KIAA0825: variants seen among roughly 807,000 people sequenced by gnomAD.
The protein encoded by KIAA0825 is KIAA0825, also known as uncharacterized protein KIAA0825.
In KIAA0825, 119 loss-of-function variants were observed where a neutral mutation model predicts 147.6. The observed-to-expected ratio is 0.81, with a 90% CI of 0.69 to 0.94. The LOEUF (loss-of-function observed/expected upper bound fraction) is 0.94. KIAA0825 is among the 40% of genes least tolerant of loss of function. KIAA0825 has a pLI of 0.00. For missense variants in KIAA0825, 1,381 were observed against 1,472.7 expected (o/e 0.94, Z 1.02); for synonymous variants, 470 against 518.1 (o/e 0.91, Z 1.26).
intron 20 of KIAA0825, among the ~76,000 whole-genome samples, chr5:94,381,982 G>T (rs1748475030): frequency 1.3e-5 from 2 of 152,002 alleles, no homozygotes; most frequent in African/African-American, 4.8e-5. Flanking sequence ...GTATATTTCA[G>T]TTCACTTTTC....
chr5:94,159,111 C>T (rs1767310511), intron 20 of KIAA0825, among the ~76,000 whole-genome samples: 1 of 151,986 alleles, frequency 6.6e-6, no homozygotes, highest in Non-Finnish European at 1.5e-5. Flanking sequence ...CCTCATGGTC[C>T]CAATACAGTT....
intron 1 of KIAA0825, among the ~76,000 whole-genome samples, chr5:94,604,640 T>C (rs1329782825): frequency 2.0e-5 from 3 of 152,158 alleles, no homozygotes; most frequent in Admixed American, 6.5e-5. Flanking sequence ...AACATGTTCC[T>C]GAATGACTTT....
intron 13 of KIAA0825, among the ~76,000 whole-genome samples, chr5:94,443,770 T>A (rs2150862214): frequency 6.6e-6 from 1 of 152,222 alleles, no homozygotes; most frequent in East Asian, 1.9e-4. Context: ...GCTGTATCAA[T>A]CATACTGTCC....
rs548409095 is a variant in KIAA0825 at position 94,346,423 on chromosome 5, C to T, written c.3710+37945G>A. ...GACTGCAAGAACAAACCAGCAATCCCGAGAGGATTCACAGACCCTCCAAAG... is the reference window on the plus strand; with the variant it reads ...GACTGCAAGAACAAACCAGCAATCCTGAGAGGATTCACAGACCCTCCAAAG... On this transcript the variant is annotated intron_variant, in intron 20 of 20. Transcript: ENST00000682413. Among the ~76,000 whole-genome samples the T allele has an allele frequency of 2.6e-5, 4 of 152,198 alleles. No homozygotes were observed. The East Asian group carries it at 5.8e-4, about 22-fold the overall frequency.
Position 94,388,729 on chromosome 5 carries a change from G to A in KIAA0825, c.3457-2325C>T, listed in dbSNP as rs577227714. On this transcript the variant is annotated intron_variant, in intron 18 of 20. Transcript: ENST00000682413. ...GATCTTTCTAGGTACTGCACTGACAGTCATCACTAACCCTTCTTAACCTCA... is the reference window on the plus strand; with the variant it reads ...GATCTTTCTAGGTACTGCACTGACAATCATCACTAACCCTTCTTAACCTCA... Among the ~76,000 whole-genome samples, 14 of 152,324 alleles carry A rather than the reference G, an allele frequency of 9.2e-5. No individual in the cohort carries two copies. In the South Asian group the frequency reaches 2.5e-3, roughly 27 times the overall value.
Position 94,471,543 on chromosome 5 carries a change from G to A in KIAA0825, c.1644C>T (p.His548=). The change falls in exon 9 of 21, where the codon CAC becomes CAT. Residue 548 remains histidine, a synonymous_variant. Transcript: ENST00000682413. ...VPSKAPLKNL[H]TYLSTAVYVF... is the part of the protein sequence containing the mutation. ...CATACACCGCTGTGGAGAGGTATGT[G>A]TGCAAGTTTTTCAGGGGTGCTTTGG... 2 of 1,551,974 alleles carry A rather than the reference G, an allele frequency of 1.3e-6. No homozygotes were observed. Among genetic ancestry groups the A allele is most frequent in the Non-Finnish European group, 8.7e-7 (1 of 1,147,048 alleles).
chr5:94,450,332 A>G (rs1385525929), intron 13 of KIAA0825, among the ~76,000 whole-genome samples: 1 of 148,510 alleles, frequency 6.7e-6, no homozygotes, highest in Non-Finnish European at 1.5e-5. Flanking sequence ...ATAATTGTTA[A>G]TTCCCTGCAA....
chr5:94,510,279 T>C (rs1432056935), intron 5 of KIAA0825, among the ~76,000 whole-genome samples: 3 of 152,218 alleles, frequency 2.0e-5, no homozygotes, highest in Admixed American at 6.5e-5. Flanking sequence ...TATTACTTAG[T>C]CTTTTTTATT....
At chr5:94,333,154 A>C (rs961389483) in intron 20 of KIAA0825, among the ~76,000 whole-genome samples, 2 of 152,006 alleles carry the variant, frequency 1.3e-5, no homozygotes, top group Non-Finnish European at 2.9e-5. Flanking sequence ...AGATTGGAAA[A>C]ATTTTCTCCC....
At chr5:94,606,872 G>C (rs537166012) in intron 1 of KIAA0825, among the ~76,000 whole-genome samples, 3 of 152,260 alleles carry the variant, frequency 2.0e-5, no homozygotes, top group Admixed American at 2.0e-4. Flanking sequence ...ATGGCAGAGG[G>C]CAAAGCAAGA....
intron 5 of KIAA0825, among the ~76,000 whole-genome samples, chr5:94,490,103 A>C (rs1244095504): frequency 6.6e-6 from 1 of 152,166 alleles, no homozygotes; most frequent in Non-Finnish European, 1.5e-5. Context: ...TAGGAAAAAA[A>C]CCTAAAGAAT....
intron 8 of KIAA0825, among the ~76,000 whole-genome samples, chr5:94,472,227 T>A (rs544662544): frequency 1.3e-5 from 2 of 152,200 alleles, no homozygotes; most frequent in Admixed American, 1.3e-4. Flanking sequence ...TCATGTAGCA[T>A]CTTCTTATTG....
chr5:94,211,346 T>C (rs574682963), intron 20 of KIAA0825, among the ~76,000 whole-genome samples: 1 of 152,304 alleles, frequency 6.6e-6, no homozygotes, highest in South Asian at 2.1e-4. Flanking sequence ...ACATTTTGGT[T>C]TACAAACTCT....
At chr5:94,404,958 G>A (rs1446129249) in intron 15 of KIAA0825, among the ~76,000 whole-genome samples, 2 of 152,172 alleles carry the variant, frequency 1.3e-5, no homozygotes, top group African/African-American at 2.4e-5. Context: ...CACCTTCCAC[G>A]ACTGTATTTA....
At chr5:94,494,312 T>C (rs1188930755) in intron 5 of KIAA0825, among the ~76,000 whole-genome samples, 1 of 142,628 alleles carries the variant, frequency 7.0e-6, no homozygotes, top group Non-Finnish European at 1.5e-5. Flanking sequence ...CTATATTCAA[T>C]CCTTTTTTTT....
At chr5:94,399,291 C>T (rs1751067881) in intron 16 of KIAA0825, among the ~76,000 whole-genome samples, 1 of 152,030 alleles carries the variant, frequency 6.6e-6, no homozygotes, top group African/African-American at 2.4e-5. Context: ...AGGTCTTTGA[C>T]TTGAAAGATT....
intron 7 of KIAA0825, among the ~76,000 whole-genome samples, chr5:94,474,316 T>C (rs1281130971): frequency 6.6e-6 from 1 of 152,166 alleles, no homozygotes; most frequent in African/African-American, 2.4e-5. Flanking sequence ...TTCTCTAAAG[T>C]TCAAAAGCAT....
chr5:94,472,837 A>G (rs1049843025), intron 8 of KIAA0825, among the ~76,000 whole-genome samples: 1 of 152,126 alleles, frequency 6.6e-6, no homozygotes. Flanking sequence ...TTTACCTCCT[A>G]TTTTCTCAGT....
At chr5:94,503,090 T>TA (rs1466705602) in intron 5 of KIAA0825, among the ~76,000 whole-genome samples, 11 of 146,844 alleles carry the variant, frequency 7.5e-5, no homozygotes, top group African/African-American at 2.7e-4. Context: ...ATATATATGA[T>TA]ATATATATAT....
Sources: gnomAD v4.1 joint callset for allele counts (sites outside exome capture counted in the v4.1 genomes callset) on GRCh38, gnomAD v4.1.1 for gene constraint, MANE v1.5 for transcripts, NCBI Gene and HGNC (gene_info 2026-07-23, HGNC 2026-07-21) for gene names.